Variants in TSPAN32 observed in about 807,000 individuals in gnomAD.
TSPAN32 encodes tetraspanin 32.
TSPAN32 carries 47 observed loss-of-function variants against 42.7 expected under a neutral mutation model. The ratio of observed to expected loss-of-function variants is 1.10; its 90% confidence interval spans 0.87 to 1.40. TSPAN32 has a LOEUF of 1.40. Ranked by LOEUF, TSPAN32 falls within the 40% of genes most tolerant of loss-of-function variation. TSPAN32 has a pLI of 0.00. For synonymous variants in TSPAN32, 175 were observed against 175.9 expected (o/e 0.99, Z 0.04); for missense variants, 469 against 424.1 (o/e 1.11, Z -0.93).
chr11:2,316,890 C>T (rs1474781461), intron 8 of TSPAN32, among the ~76,000 whole-genome samples: 1 of 152,104 alleles, frequency 6.6e-6, no homozygotes, highest in African/African-American at 2.4e-5. Context: ...GGGGACCCCC[C>T]TTTGCTTACC....
At position 2,317,821 on chromosome 11, in the gene TSPAN32, G is replaced by A; in HGVS notation, c.902-42G>A. On this transcript the variant is annotated intron_variant, in intron 9 of 9. Transcript: ENST00000182290. The surrounding 1 kb of genome is among the most constrained non-coding windows in gnomAD (Gnocchi z 6.2). ...TTCTATGCTGCGTAAGAAGCAGCAT[G>A]GATGTAAGGACTGCAAGCAGTGCCC... The A allele has an allele frequency of 6.2e-7, 1 of 1,604,142 alleles. No individual in the cohort carries two copies. The highest frequency in any genetic ancestry group is 1.1e-5 in the South Asian group (1 of 90,492).
Position 2,304,162 on chromosome 11 carries a change from C to T in TSPAN32, c.237C>T (p.Ser79=), listed in dbSNP as rs199650987. The change falls in exon 3 of 10, where the codon AGC becomes AGT. Residue 79 remains serine (S), a synonymous_variant. Transcript: ENST00000182290. The surrounding 1 kb of genome is among the most constrained non-coding windows in gnomAD (Gnocchi z 4.8). ...VGLLTLGAVL[S]AAATVREAQG... is the part of the protein sequence containing the mutation. Reference sequence around the variant, plus strand: ...TCCTGACTCTGGGAGCCGTGCTGAGCGCTGCAGCCACCGTGAGGGAGGCCC... The same window carrying T: ...TCCTGACTCTGGGAGCCGTGCTGAGTGCTGCAGCCACCGTGAGGGAGGCCC... 4.2e-5 allele frequency: 67 copies of T among 1,588,618 alleles called. 1 individual carries two copies. The highest frequency in any genetic ancestry group is 8.9e-5 in the Admixed American group (5 of 56,030).
In TSPAN32 at chr11:2,308,807, C is replaced by G. The variant is rs1359117515; in HGVS notation, c.351C>G (p.Thr117=). 1 of 1,564,822 alleles carries G rather than the reference C, an allele frequency of 6.4e-7. No individual in the cohort carries two copies. Among genetic ancestry groups the G allele is most frequent in the Admixed American group, 1.9e-5 (1 of 53,774 alleles). Residue 117 remains threonine, a synonymous_variant, in exon 4 of 10, where the codon ACC becomes ACG. Transcript: ENST00000182290. ...TGTTCTGGAGACTCCACAGCCCCAC[C>G]CAGGTGAGCACCAGCTGCCCCTACC... is the stretch of plus-strand genomic sequence containing the variant. ...QVVFWRLHSP[T]QVEDAMLDTY... is the part of the protein sequence containing the mutation.
rs777814788 is a variant in TSPAN32, at chr11:2,317,459, C to A, written c.835C>A (p.Leu279Ile). ...TGGTCCAAGAGGATGCTCGGGTAGT[C>A]TTCGGTGGCTGCAGGAGAGCGATGC... Reference protein sequence around the residue: ...AIGPRGCSGSLRWLQESDAAP... With the variant: ...AIGPRGCSGSIRWLQESDAAP... Residue 279 changes from leucine (L) to isoleucine (I), a missense_variant, in exon 9 of 10, where the codon CTT becomes ATT. Leu to Ile is a conservative substitution (Grantham distance 5). Coordinates refer to ENST00000182290, the MANE Select transcript of TSPAN32 (RefSeq NM_139022.3). This position sits in a 1 kb window ranked among gnomAD's most constrained non-coding sequence, Gnocchi z 6.2. 6 of 1,601,880 alleles carry A rather than the reference C, an allele frequency of 3.7e-6. No homozygotes were observed. The highest frequency in any genetic ancestry group is 5.1e-6 in the Non-Finnish European group (6 of 1,174,604).
Position 2,304,026 on chromosome 11 carries a change from G to C in TSPAN32, c.182-81G>C. On this transcript the variant is annotated intron_variant, in intron 2 of 9. Transcript: ENST00000182290. This position sits in a 1 kb window ranked among gnomAD's most constrained non-coding sequence, Gnocchi z 4.8. ...GTCCCTCACGGCCCCTGACTCCCAA[G>C]TTAGATTTCACACCCAGGCTGTGTG... is the stretch of plus-strand genomic sequence containing the variant. The C allele has an allele frequency of 8.8e-7, 1 of 1,134,710 alleles. No homozygotes were observed. The highest frequency in any genetic ancestry group is 1.3e-6 in the Non-Finnish European group (1 of 772,552). The allele number at this position is 1,134,710 out of a possible 1,614,324, so 70.3% of individuals were successfully genotyped here. A position where few individuals can be genotyped will look rare whatever the true frequency, so the allele number is the denominator to read the frequency against.
rs1360744118 is a variant in TSPAN32 at position 2,304,089 on chromosome 11, C to T, written c.182-18C>T. On this transcript the variant is annotated intron_variant, in intron 2 of 9. Coordinates refer to ENST00000182290, the MANE Select transcript of TSPAN32 (RefSeq NM_139022.3). The surrounding 1 kb of genome is among the most constrained non-coding windows in gnomAD (Gnocchi z 4.8). ...GTCCTGGGCACCCCTAACCCTCCTC[C>T]TCTCTCCTCCCAACCAGCCTTCTCT... 1.9e-6 allele frequency: 3 copies of T among 1,562,520 alleles called. No homozygotes were observed. The highest frequency in any genetic ancestry group is 1.4e-5 in the African/African-American group (1 of 73,680).
chr11:2,307,851 G>A (rs1314016266), intron 3 of TSPAN32, among the ~76,000 whole-genome samples: 5 of 152,170 alleles, frequency 3.3e-5, no homozygotes, highest in African/African-American at 1.2e-4. Flanking sequence ...GAGAAAGTGA[G>A]GTGAGGGAGG....
chr11:2,308,432 G>A (rs1333890658), intron 3 of TSPAN32, among the ~76,000 whole-genome samples: 2 of 42,084 alleles, frequency 4.8e-5, no homozygotes, highest in South Asian at 6.3e-4. Flanking sequence ...CCGGCCCCCC[G>A]CAGTGACCAG....
In TSPAN32 at chr11:2,304,452, C is replaced by G. The variant is rs896773902; in HGVS notation, c.279+248C>G. 1.3e-5 allele frequency among the ~76,000 whole-genome samples: 2 copies of G among 151,368 alleles called. No homozygotes were observed. The highest frequency in any genetic ancestry group is 3.0e-5 in the Non-Finnish European group (2 of 67,742). On this transcript the variant is annotated intron_variant, in intron 3 of 9. Coordinates refer to ENST00000182290, the MANE Select transcript of TSPAN32 (RefSeq NM_139022.3). This position sits in a 1 kb window ranked among gnomAD's most constrained non-coding sequence, Gnocchi z 4.8. ...GTAGCCAAGGCCCCTCCACCAGGCCCTACCTCACCCTGTCATCTACACGCC... is the reference window on the plus strand; with the variant it reads ...GTAGCCAAGGCCCCTCCACCAGGCCGTACCTCACCCTGTCATCTACACGCC...
chr11:2,314,397 C>T lies in TSPAN32; in HGVS notation c.457-88C>T, dbSNP rs369505004. 9 of 1,063,918 alleles carry T rather than the reference C, an allele frequency of 8.5e-6. No homozygotes were observed. The East Asian group carries it at 1.8e-4, about 21-fold the overall frequency. The allele number at this position is 1,063,918 out of a possible 1,614,324, so 65.9% of individuals were successfully genotyped here. On this transcript the variant is annotated intron_variant, in intron 5 of 9. Coordinates refer to ENST00000182290, the MANE Select transcript of TSPAN32 (RefSeq NM_139022.3). ...GCCTGCAGGGAACCCCACCTGGATA[C>T]TTGTGGTGCCTCAGTTTCCCCATAT...
At chr11:2,309,247 A>C in intron 4 of TSPAN32, 1 of 438,128 alleles carries the variant, frequency 2.3e-6, no homozygotes, top group African/African-American at 2.0e-5. Context: ...GGTGGGGCAG[A>C]CGGTACCAGT....
chr11:2,303,873 A>AGGCAGGGAG (rs1319598383), intron 2 of TSPAN32, among the ~76,000 whole-genome samples: 1 of 152,140 alleles, frequency 6.6e-6, no homozygotes, highest in Non-Finnish European at 1.5e-5. Context: ...ATAGCCCCAC[A>AGGCAGGGAG]GGCATGGAGG....
chr11:2,312,459 C>T (rs1432180196), intron 4 of TSPAN32, among the ~76,000 whole-genome samples: 1 of 152,206 alleles, frequency 6.6e-6, no homozygotes, highest in South Asian at 2.1e-4. Context: ...CTGGCTGAGT[C>T]GGGGATGACT....
rs1287735002 is a variant in TSPAN32, at chr11:2,317,344, A to C, written c.720A>C (p.Arg240=). ...GCCCCATGATCCCCTTGCTCCTCAG[A>C]GCATGTGGCCGCCAGCCCCAGGAGC... ...DRKGKYTLTP[R]ACGRQPQEPS... Residue 240 remains arginine (R), a splice_region_variant and synonymous_variant, in exon 9 of 10, where the codon CGA becomes CGC. Coordinates refer to ENST00000182290, the MANE Select transcript of TSPAN32 (RefSeq NM_139022.3). This position sits in a 1 kb window ranked among gnomAD's most constrained non-coding sequence, Gnocchi z 6.2. The C allele has an allele frequency of 6.3e-7, 1 of 1,586,688 alleles. No homozygotes were observed. The highest frequency in any genetic ancestry group is 1.3e-5 in the African/African-American group (1 of 74,120).
intron 6 of TSPAN32, chr11:2,315,968 G>T (rs1220474012): frequency 1.3e-5 from 20 of 1,531,624 alleles, no homozygotes; most frequent in Non-Finnish European, 1.8e-5. Flanking sequence ...GGACGCTCAG[G>T]ACAGCTGGGA....
At chr11:2,302,308 G>GAC in intron 1 of TSPAN32, 93 bp downstream of exon 1, 4 of 1,242,036 alleles carry the variant, frequency 3.2e-6, no homozygotes, top group Middle Eastern at 2.7e-4. Context: ...TCCCTCCCCT[G>GAC]ACACACACAC....
intron 6 of TSPAN32, 177 bp from the exon 7 acceptor site, chr11:2,316,052 G>C: frequency 2.0e-6 from 3 of 1,534,108 alleles, no homozygotes; most frequent in Non-Finnish European, 2.6e-6. Context: ...GGCTTCACCT[G>C]CTCGTGCTGC....
intron 6 of TSPAN32, chr11:2,315,859 G>T: frequency 7.2e-7 from 1 of 1,391,584 alleles, no homozygotes; most frequent in Non-Finnish European, 9.6e-7. Flanking sequence ...ATCACCCTCT[G>T]GTCACCAAGG....
intron 4 of TSPAN32, among the ~76,000 whole-genome samples, chr11:2,310,965 A>G (rs1848425573): frequency 6.6e-6 from 1 of 152,162 alleles, no homozygotes; most frequent in Non-Finnish European, 1.5e-5. Flanking sequence ...TCCCTGTCCA[A>G]CAAAGTCCTG....
Sources: gnomAD v4.1 joint callset for allele counts (sites outside exome capture counted in the v4.1 genomes callset) on GRCh38, gnomAD v4.1.1 for gene constraint, Gnocchi (gnomAD v3.1) non-coding constraint, MANE v1.5 for transcripts, NCBI Gene and HGNC (gene_info 2026-07-23, HGNC 2026-07-21) for gene names.